Variants in TAF7L observed in about 807,000 individuals in gnomAD.
TAF7L encodes the protein TATA-box binding protein associated factor 7 like, also known as transcription initiation factor TFIID subunit 7-like.
In TAF7L, 6 loss-of-function variants were observed where a neutral mutation model predicts 30.2. The ratio of observed to expected loss-of-function variants is 0.20; its 90% CI spans 0.11 to 0.39. TAF7L has a LOEUF of 0.39. Ranked by LOEUF, TAF7L falls within the 10% of genes least tolerant of loss-of-function variation. The probability of loss-of-function intolerance (pLI) is 1.00; values close to 1 mark genes in which losing one functional copy is unlikely to be tolerated. For missense variants in TAF7L, 284 were observed against 277.1 expected (o/e 1.03, Z -0.18); for synonymous variants, 93 against 94.5 (o/e 0.98, Z 0.09).
At chrX:101,279,966 A>C (rs1924345581) in intron 6 of TAF7L, among the ~76,000 whole-genome samples, 1 of 110,269 alleles carries the variant, frequency 9.1e-6, no homozygotes, top group Non-Finnish European at 1.9e-5. Context: ...CAACAACAAC[A>C]ACAAAAAAAA....
chrX:101,279,039 TG>T lies in TAF7L; in HGVS notation c.463-5del, dbSNP rs769061711. The T allele has an allele frequency of 2.9e-5, 35 of 1,195,827 alleles. No homozygotes were observed. Among genetic ancestry groups the T allele is most frequent in the Non-Finnish European group, 3.7e-5 (33 of 883,167 alleles). On this transcript the variant is annotated splice_polypyrimidine_tract_variant and splice_region_variant and intron_variant, in intron 6 of 12. Transcript: ENST00000356784. Reference sequence around the variant, plus strand: ...CCATTTCTTTGACATCAGGGACCTATGAAATAAAACACAATAAACAAGTTAT... The same window carrying T: ...CCATTTCTTTGACATCAGGGACCTATAAATAAAACACAATAAACAAGTTAT...
At chrX:101,285,063 T>A (rs1208081080) in intron 3 of TAF7L, among the ~76,000 whole-genome samples, 1 of 111,070 alleles carries the variant, frequency 9.0e-6, no homozygotes, top group African/African-American at 3.3e-5. Flanking sequence ...CTACAATGAA[T>A]ATGGGAGTGC....
At chrX:101,285,187 T>C (rs780851348) in intron 3 of TAF7L, among the ~76,000 whole-genome samples, 1 of 110,828 alleles carries the variant, frequency 9.0e-6, no homozygotes, top group East Asian at 2.9e-4. Context: ...GGAACCTCCA[T>C]ACCATTTAAA....
chrX:101,291,852 G>A (rs755132078), upstream of TAF7L, among the ~76,000 whole-genome samples: 213 of 93,402 alleles, frequency 2.3e-3, 1 homozygote, highest in African/African-American at 7.9e-3. Flanking sequence ...GCGACAGAGT[G>A]AGACTCTGTC....
At chrX:101,288,144 CTTT>C (rs367794112) in intron 1 of TAF7L, among the ~76,000 whole-genome samples, 2 of 99,775 alleles carry the variant, frequency 2.0e-5, no homozygotes, top group Admixed American at 1.1e-4. Context: ...GAGTCCAGTT[CTTT>C]TTTTTTTTTT....
Position 101,282,402 on chromosome X carries a change from C to G in TAF7L, c.331G>C (p.Ala111Pro). ...GDIHLSPEEP[A>P]ASTDPNIVRK... ...ACTATATTAGGATCAGTAGAGGCAG[C>G]TGGTTCTTCTGGAGAAAGGTGGATA... Residue 111 changes from alanine (A) to proline (P), a missense_variant, in exon 5 of 13, where the codon GCT becomes CCT. Transcript: ENST00000356784. 7.4e-6 allele frequency: 9 copies of G among 1,210,545 alleles called. No homozygotes were observed. Among genetic ancestry groups the G allele is most frequent in the Non-Finnish European group, 8.9e-6 (8 of 894,651 alleles).
In TAF7L at chrX:101,281,805, A is replaced by T. The variant is rs374181515; in HGVS notation, c.407-30T>A. ...AATAAATACAACACAGTGAAACGTT[A>T]TATGACTGATGGTAGTCACATAGCT... On this transcript the variant is annotated intron_variant, in intron 5 of 12. Coordinates refer to ENST00000356784, the MANE Select transcript of TAF7L (RefSeq NM_001168474.2). The T allele has an allele frequency of 6.9e-6, 8 of 1,154,072 alleles. No homozygotes were observed. The African/African-American group carries it at 1.4e-4, about 21-fold the overall frequency.
At chrX:101,284,736 C>T (rs770613546) in intron 3 of TAF7L, among the ~76,000 whole-genome samples, 1 of 110,768 alleles carries the variant, frequency 9.0e-6, no homozygotes, top group South Asian at 3.8e-4. Flanking sequence ...TGTTAACTAA[C>T]TGGTGAGATT....
intron 9 of TAF7L, among the ~76,000 whole-genome samples, chrX:101,277,176 A>AG: frequency 1.2e-5 from 1 of 85,004 alleles, no homozygotes; most frequent in East Asian, 3.7e-4. Context: ...AAAAAAAAAA[A>AG]GGCCAGGCAC....
Position 101,278,991 on chromosome X carries a change from T to C in TAF7L, c.504+3A>G, listed in dbSNP as rs1924311894. Reference sequence around the variant, plus strand: ...AAATGAAGTTATATTATGATTGCTCTACCTCAGTAAAGCTGCTTTTTTCCA... The same window carrying C: ...AAATGAAGTTATATTATGATTGCTCCACCTCAGTAAAGCTGCTTTTTTCCA... On this transcript the variant is annotated splice_donor_region_variant and intron_variant, in intron 7 of 12. Transcript: ENST00000356784. 8.3e-7 allele frequency: 1 copy of C among 1,201,603 alleles called. No homozygotes were observed. The highest frequency in any genetic ancestry group is 1.1e-6 in the Non-Finnish European group (1 of 888,129).
Position 101,276,425 on chromosome X carries a change from TTCATCC to T in TAF7L, c.789_794del (p.Glu267_Asp268del), listed in dbSNP as rs199759165. 247,037 of 1,204,588 alleles carry T rather than the reference TTCATCC, an allele frequency of 0.21. 18,500 individuals are homozygous for T. The highest frequency in any genetic ancestry group is 0.22 in the Non-Finnish European group (194,670 of 892,037). ...CCTCCTCCTCTTCTTTGTCTTCATC[TTCATCC>T]TCATCCTCATCCTCATCCTCATCTT... On this transcript the variant is annotated inframe_deletion, in exon 10 of 13. Transcript: ENST00000356784.
intron 12 of TAF7L, 76 bp downstream of exon 12, chrX:101,275,146 G>A: frequency 1.3e-6 from 1 of 757,684 alleles, no homozygotes; most frequent in South Asian, 2.3e-5. Flanking sequence ...GGAACAGCCA[G>A]CAATGATATT....
intron 4 of TAF7L, 72 bp from the exon 5 acceptor site, chrX:101,282,525 C>G: frequency 2.7e-6 from 3 of 1,098,857 alleles, no homozygotes; most frequent in Non-Finnish European, 3.7e-6. Context: ...TCATTCTTAC[C>G]ACTAGAAATG....
Position 101,275,200 on chromosome X carries a change from A to C in TAF7L, c.1086+22T>G, listed in dbSNP as rs376263794. The C allele has an allele frequency of 2.7e-6, 3 of 1,115,256 alleles. No individual in the cohort carries two copies. The African/African-American group carries it at 5.5e-5, about 20-fold the overall frequency. The allele number at this position is 1,115,256 out of a possible 1,213,427, so 91.9% of individuals were successfully genotyped here. A position where few individuals can be genotyped will look rare whatever the true frequency, so the allele number is the denominator to read the frequency against. ...TCTCTGTATCAAATGTTTTCTGGTT[A>C]ATTTGAAAACATACTTCTTACCTTC... is the stretch of plus-strand genomic sequence containing the variant. On this transcript the variant is annotated intron_variant, in intron 12 of 12. Coordinates refer to ENST00000356784, the MANE Select transcript of TAF7L (RefSeq NM_001168474.2).
At chrX:101,269,658 T>C (rs1020894937) in intron 12 of TAF7L, among the ~76,000 whole-genome samples, 1 of 110,869 alleles carries the variant, frequency 9.0e-6, no homozygotes, top group Non-Finnish European at 1.9e-5. Context: ...AACTCCCCTT[T>C]TTAAAACCAT....
At chrX:101,272,019 G>A (rs1923979734) in intron 12 of TAF7L, among the ~76,000 whole-genome samples, 1 of 111,087 alleles carries the variant, frequency 9.0e-6, no homozygotes, top group Admixed American at 9.6e-5. Flanking sequence ...TGGGGGTGGG[G>A]AGTAGTGCCT....
At chrX:101,270,014 GTCTTACCAGCTGCT>G (rs1448907601) in intron 12 of TAF7L, among the ~76,000 whole-genome samples, 1 of 111,157 alleles carries the variant, frequency 9.0e-6, no homozygotes, top group African/African-American at 3.3e-5. Flanking sequence ...CTTAGACTGA[GTCTTACCAGCTGCT>G]TCTTACCACA....
chrX:101,277,073 A>ACCTGGGAG lies in TAF7L; in HGVS notation c.691+525_691+532dup. On this transcript the variant is annotated intron_variant, in intron 9 of 12. Transcript: ENST00000356784. ...AGGCTGAGGCACAAGAACTACTTGAACCTGGGAGGCAGAGGTTGCAGTGAG... is the reference window on the plus strand; with the variant it reads ...AGGCTGAGGCACAAGAACTACTTGAACCTGGGAGCCTGGGAGGCAGAGGTTGCAGTGAG... Among the ~76,000 whole-genome samples, 3 of 104,030 alleles carry ACCTGGGAG rather than the reference A, an allele frequency of 2.9e-5. 1 individual carries two copies. In the Admixed American group the frequency reaches 3.1e-4, roughly 11 times the overall value. The allele number at this position is 104,030 out of a possible 115,157, so 90.3% of individuals were successfully genotyped here.
intron 6 of TAF7L, among the ~76,000 whole-genome samples, chrX:101,280,173 C>T (rs1924362204): frequency 9.0e-6 from 1 of 110,712 alleles, no homozygotes; most frequent in East Asian, 2.8e-4. Flanking sequence ...AAACTAAAAA[C>T]TTTTGCTCTC....
Sources: gnomAD v4.1 joint callset for allele counts (sites outside exome capture counted in the v4.1 genomes callset) on GRCh38, gnomAD v4.1.1 for gene constraint, MANE v1.5 for transcripts, NCBI Gene and HGNC (gene_info 2026-07-23, HGNC 2026-07-21) for gene names.